ADGRG6: variants seen among roughly 807,000 people sequenced by gnomAD.
ADGRG6 encodes the protein G-protein coupled receptor 126.
A neutral mutation model predicts 142.4 loss-of-function variants in ADGRG6; 84 were observed. The ratio of observed to expected loss-of-function variants is 0.59; its 90% CI spans 0.49 to 0.71. The LOEUF is 0.71. ADGRG6 is among the 30% of genes least tolerant of loss of function. ADGRG6 has a pLI of 0.00. For missense variants in ADGRG6, 1,367 were observed against 1,466.6 expected, an observed-to-expected ratio of 0.93 and a Z score of 1.11; for synonymous variants, 521 against 520.5, an observed-to-expected ratio of 1.00 and a Z score of -0.01.
In ADGRG6 at chr6:142,367,851, T is replaced by C; in HGVS notation, c.386T>C (p.Val129Ala). Residue 129 changes from valine to alanine, a missense_variant, in exon 3 of 25, where the codon GTG (valine) becomes GCG (alanine). Val to Ala is a moderately conservative substitution (Grantham distance 64, BLOSUM62 0). Coordinates refer to ENST00000367609, the MANE Select transcript of ADGRG6 (RefSeq NM_198569.3). ...AACTCAAGTGCGAATGAGATGCATG[T>C]GTCCTTTTCAAGTGACTTTAGCATC... ...SFNSSANEMH[V>A]SFSSDFSIQK... 1 of 1,613,652 alleles carries C rather than the reference T, an allele frequency of 6.2e-7. No homozygotes were observed. Among genetic ancestry groups the C allele is most frequent in the East Asian group, 2.2e-5 (1 of 44,892 alleles).
chr6:142,325,932 A>G (rs937771857), intron 2 of ADGRG6, among the ~76,000 whole-genome samples: 6 of 152,098 alleles, frequency 3.9e-5, no homozygotes, highest in African/African-American at 1.2e-4. Flanking sequence ...ACATGAAGAT[A>G]TTCATTTAAA....
At chr6:142,313,988 T>G (rs1777899836) in intron 2 of ADGRG6, among the ~76,000 whole-genome samples, 1 of 152,286 alleles carries the variant, frequency 6.6e-6, no homozygotes, top group Middle Eastern at 3.4e-3. Flanking sequence ...TAATGATAAA[T>G]GTGTGTATGT....
At chr6:142,323,427 A>G (rs1778614417) in intron 2 of ADGRG6, among the ~76,000 whole-genome samples, 1 of 152,208 alleles carries the variant, frequency 6.6e-6, no homozygotes, top group South Asian at 2.1e-4. Context: ...ATACATTTAG[A>G]TTAAAGCTGA....
intron 22 of ADGRG6, among the ~76,000 whole-genome samples, chr6:142,422,921 A>G (rs981018507): frequency 1.3e-5 from 2 of 148,872 alleles, no homozygotes; most frequent in Admixed American, 6.7e-5. Context: ...GCCAGTGATG[A>G]TGAGCATTTT....
intron 22 of ADGRG6, among the ~76,000 whole-genome samples, chr6:142,430,019 C>T (rs530099715): frequency 6.6e-6 from 1 of 152,204 alleles, no homozygotes; most frequent in East Asian, 1.9e-4. Flanking sequence ...TTACTGCACT[C>T]CAGCCTGGGT....
chr6:142,328,104 A>G (rs1012419588), intron 2 of ADGRG6, among the ~76,000 whole-genome samples: 33 of 152,164 alleles, frequency 2.2e-4, no homozygotes, highest in Non-Finnish European at 1.5e-5. Context: ...GTCCTTAGTC[A>G]TTGTTTTTTC....
rs144159481 is a variant in ADGRG6 at position 142,408,130 on chromosome 6, G to A, written c.2269-20G>A. On this transcript the variant is annotated intron_variant, in intron 15 of 24. Coordinates refer to ENST00000367609, the MANE Select transcript of ADGRG6 (RefSeq NM_198569.3). Reference sequence around the variant, plus strand: ...AAGTGTACTTCTGACTGATACACGCGATTTTTTTTTCTTTAAAAGGATGTA... The same window carrying A: ...AAGTGTACTTCTGACTGATACACGCAATTTTTTTTTCTTTAAAAGGATGTA... The A allele has an allele frequency of 1.0e-3, 1,565 of 1,527,984 alleles. 4 individuals are homozygous for A. Among genetic ancestry groups the A allele is most frequent in the Non-Finnish European group, 1.3e-3 (1,427 of 1,133,356 alleles). The allele number at this position is 1,527,984 out of a possible 1,614,324, so 94.7% of individuals were successfully genotyped here.
At chr6:142,373,998 G>C (rs1377272106) in intron 4 of ADGRG6, among the ~76,000 whole-genome samples, 1 of 148,328 alleles carries the variant, frequency 6.7e-6, no homozygotes, top group African/African-American at 2.5e-5. Context: ...CTGGGACTAA[G>C]CTCCCTTGTT....
chr6:142,419,267 T>TG (rs1444677492), intron 21 of ADGRG6, among the ~76,000 whole-genome samples: 2 of 152,180 alleles, frequency 1.3e-5, no homozygotes, highest in Non-Finnish European at 2.9e-5. Context: ...TTGACCTCTC[T>TG]GTCATTGGAC....
intron 20 of ADGRG6, 173 bp from the exon 21 acceptor site, chr6:142,417,100 G>C (rs1233350436): frequency 6.0e-6 from 4 of 667,168 alleles, no homozygotes; most frequent in African/African-American, 1.8e-5. Context: ...CCAAGGAGGG[G>C]ATTTTGTTGT....
chr6:142,375,679 T>C (rs537349292), intron 4 of ADGRG6, among the ~76,000 whole-genome samples: 70 of 152,312 alleles, frequency 4.6e-4, no homozygotes, highest in Middle Eastern at 6.8e-3. Context: ...AGAATAGAAA[T>C]TTATTTCTAG....
At chr6:142,393,628 G>A (rs1179601006) in intron 8 of ADGRG6, among the ~76,000 whole-genome samples, 1 of 152,118 alleles carries the variant, frequency 6.6e-6, no homozygotes, top group African/African-American at 2.4e-5. Context: ...ATAAGTTCAG[G>A]AAGTACGTTA....
chr6:142,429,722 T>A (rs1480673779), intron 22 of ADGRG6, among the ~76,000 whole-genome samples: 1 of 152,140 alleles, frequency 6.6e-6, no homozygotes, highest in Non-Finnish European at 1.5e-5. Context: ...CTCAAATATC[T>A]GCTGTAACTA....
chr6:142,303,881 A>C (rs1379718752), intron 1 of ADGRG6, among the ~76,000 whole-genome samples: 1 of 152,202 alleles, frequency 6.6e-6, no homozygotes, highest in Non-Finnish European at 1.5e-5. Context: ...TATATAGTCC[A>C]TTTGAATTCT....
intron 2 of ADGRG6, among the ~76,000 whole-genome samples, chr6:142,317,782 TTATA>T (rs1277588709): frequency 5.2e-5 from 5 of 95,696 alleles, no homozygotes; most frequent in Non-Finnish European, 7.5e-5. Flanking sequence ...TCATATATAT[TTATA>T]TATAATATAT....
intron 2 of ADGRG6, among the ~76,000 whole-genome samples, chr6:142,331,239 G>A (rs149891077): frequency 5.7e-4 from 87 of 151,884 alleles, no homozygotes; most frequent in African/African-American, 2.0e-3. Flanking sequence ...TTTTAGATCT[G>A]AGAAGATATG....
chr6:142,356,067 G>A (rs750017623), intron 2 of ADGRG6, among the ~76,000 whole-genome samples: 1 of 152,152 alleles, frequency 6.6e-6, no homozygotes, highest in African/African-American at 2.4e-5. Flanking sequence ...CTCACCCCCA[G>A]CCCAGTGCAA....
intron 4 of ADGRG6, among the ~76,000 whole-genome samples, chr6:142,374,924 A>T (rs1479447100): frequency 1.3e-5 from 2 of 152,216 alleles, no homozygotes; most frequent in Admixed American, 6.5e-5. Context: ...TAGACAGAAC[A>T]TTTAAAATCT....
intron 2 of ADGRG6, among the ~76,000 whole-genome samples, chr6:142,317,593 C>T (rs1487296029): frequency 1.4e-5 from 2 of 147,086 alleles, no homozygotes; most frequent in Admixed American, 7.1e-5. Context: ...CTCATTTAAA[C>T]GCTAAAGGCT....
Sources: allele counts gnomAD v4.1 joint callset (sites outside exome capture counted in the v4.1 genomes callset), GRCh38; gene constraint gnomAD v4.1.1; transcripts MANE v1.5; gene names NCBI Gene and HGNC (gene_info 2026-07-23, HGNC 2026-07-21).